TIMMDC1: variants seen among roughly 807,000 people sequenced by gnomAD.
The protein encoded by TIMMDC1 is complex I assembly factor TIMMDC1, mitochondrial.
A neutral mutation model predicts 32.6 loss-of-function variants in TIMMDC1; 25 were observed. The ratio of observed to expected loss-of-function variants is 0.77; its 90% confidence interval spans 0.56 to 1.07. The LOEUF (loss-of-function observed/expected upper bound fraction) is 1.07. Ranked by LOEUF, TIMMDC1 falls within the 50% of genes least tolerant of loss-of-function variation. The probability of loss-of-function intolerance (pLI) is 0.00; values close to 1 mark genes in which losing one functional copy is unlikely to be tolerated. For synonymous variants in TIMMDC1, 130 were observed against 127.6 expected, an observed-to-expected ratio of 1.02 and a Z score of -0.13; for missense variants, 329 against 349.2, an observed-to-expected ratio of 0.94 and a Z score of 0.46.
rs779052169 is a variant in TIMMDC1, at chr3:119,498,589, G to A, written c.-145G>A. The A allele has an allele frequency of 6.9e-6, 5 of 727,864 alleles. No individual in the cohort carries two copies. Among genetic ancestry groups the A allele is most frequent in the South Asian group, 3.5e-5 (2 of 57,952 alleles). The allele number at this position is 727,864 out of a possible 1,614,324, so 45.1% of individuals were successfully genotyped here. A position where few individuals can be genotyped will look rare whatever the true frequency, so the allele number is the denominator to read the frequency against. The stretch of plus-strand genomic sequence containing the variant: ...TCCAAAGCGAGGCCGGGGACTGAAG[G>A]TGTGGGTGTCGAGCCCTCTGGCAGA... On this transcript the variant is annotated 5_prime_UTR_variant, in exon 1 of 7. The change creates a new upstream start codon in the 5' untranslated region. Transcript: ENST00000494664.
intron 6 of TIMMDC1, among the ~76,000 whole-genome samples, chr3:119,519,451 G>C (rs2082008275): frequency 6.6e-6 from 1 of 151,884 alleles, no homozygotes; most frequent in East Asian, 1.9e-4. Context: ...AAATGAGCAG[G>C]AATAGCTATA....
intron 6 of TIMMDC1, among the ~76,000 whole-genome samples, chr3:119,520,753 T>C (rs2082020768): frequency 1.3e-5 from 2 of 152,126 alleles, no homozygotes; most frequent in Admixed American, 6.5e-5. Flanking sequence ...ATTACCCTTA[T>C]ACAACAACAA....
intron 4 of TIMMDC1, among the ~76,000 whole-genome samples, chr3:119,511,703 T>G (rs2081954204): frequency 6.6e-6 from 1 of 152,132 alleles, no homozygotes; most frequent in African/African-American, 2.4e-5. Flanking sequence ...AGGTAATGGA[T>G]AAAAGCCCTA....
chr3:119,521,651 C>T (rs973024271), intron 6 of TIMMDC1, among the ~76,000 whole-genome samples: 2 of 151,132 alleles, frequency 1.3e-5, no homozygotes, highest in Non-Finnish European at 2.9e-5. Flanking sequence ...CATGATTGTG[C>T]TACTGCACTC....
chr3:119,507,255 C>T (rs573327903), intron 4 of TIMMDC1, among the ~76,000 whole-genome samples: 14 of 152,160 alleles, frequency 9.2e-5, no homozygotes, highest in Non-Finnish European at 1.6e-4. Context: ...TGTTCTAGTA[C>T]ACTTATACCT....
chr3:119,505,769 T>G (rs545081212), intron 4 of TIMMDC1, among the ~76,000 whole-genome samples: 1 of 152,366 alleles, frequency 6.6e-6, no homozygotes, highest in South Asian at 2.1e-4. Context: ...ATACAGAGAC[T>G]TAGCCATTGT....
At chr3:119,501,470 CAGT>C (rs2081875117) in intron 2 of TIMMDC1, among the ~76,000 whole-genome samples, 2 of 152,218 alleles carry the variant, frequency 1.3e-5, no homozygotes, top group Admixed American at 1.3e-4. Flanking sequence ...AGCTACTTGA[CAGT>C]AGGTTATAGA....
In TIMMDC1 at chr3:119,517,255, C is replaced by T. The variant is rs754258232; in HGVS notation, c.647C>T (p.Thr216Ile). 1.2e-6 allele frequency: 2 copies of T among 1,613,874 alleles called. No individual in the cohort carries two copies. Among genetic ancestry groups the T allele is most frequent in the East Asian group, 2.2e-5 (1 of 44,864 alleles). Residue 216 changes from threonine (T) to isoleucine (I), a missense_variant, in exon 6 of 7, where the codon ACT becomes ATT. Coordinates refer to ENST00000494664, the MANE Select transcript of TIMMDC1 (RefSeq NM_016589.4). ...LMAFQKYSGE[T>I]VQERKQKDRK... is the part of the protein sequence containing the mutation. Reference sequence around the variant, plus strand: ...GCATTTCAGAAGTACTCTGGTGAGACTGTTCAGGAAAGAAAACAGAAGGAT... The same window carrying T: ...GCATTTCAGAAGTACTCTGGTGAGATTGTTCAGGAAAGAAAACAGAAGGAT...
chr3:119,504,300 G>A (rs551740985), intron 4 of TIMMDC1, among the ~76,000 whole-genome samples: 3 of 152,210 alleles, frequency 2.0e-5, no homozygotes, highest in Non-Finnish European at 4.4e-5. Flanking sequence ...GGAACAATGG[G>A]ATCTCATATG....
At chr3:119,513,392 A>G (rs2081966663) in intron 4 of TIMMDC1, among the ~76,000 whole-genome samples, 1 of 152,214 alleles carries the variant, frequency 6.6e-6, no homozygotes, top group Non-Finnish European at 1.5e-5. Context: ...ATGAAGCAGA[A>G]TGAATGGATC....
At chr3:119,516,808 G>A (rs892497369) in intron 5 of TIMMDC1, among the ~76,000 whole-genome samples, 8 of 152,124 alleles carry the variant, frequency 5.3e-5, no homozygotes, top group African/African-American at 1.9e-4. Context: ...GTCTCCTAGA[G>A]GAGCTGGTGC....
At chr3:119,514,861 T>C (rs1577100729) in intron 5 of TIMMDC1, among the ~76,000 whole-genome samples, 1 of 152,152 alleles carries the variant, frequency 6.6e-6, no homozygotes, top group African/African-American at 2.4e-5. Flanking sequence ...TGGGGAAGAA[T>C]CTGTTTCCAA....
chr3:119,501,361 G>T (rs79126049), intron 2 of TIMMDC1, among the ~76,000 whole-genome samples: 2,028 of 152,242 alleles, frequency 0.013, 41 homozygotes, highest in South Asian at 0.071. Flanking sequence ...CTAGTACAAA[G>T]ATTTCCTATA....
chr3:119,523,639 T>G lies in TIMMDC1; in HGVS notation c.741T>G (p.Pro247=), dbSNP rs750434673. ...KGRLQVTEHL[P]EKIESSLQED... is the part of the protein sequence containing the mutation. ...GACTACAAGTTACTGAGCACCTCCC[T>G]GAGAAAATTGAAAGTAGTTTACAGG... The change falls in exon 7 of 7, where the codon CCT becomes CCG. Residue 247 remains proline (P), a synonymous_variant. Coordinates refer to ENST00000494664, the MANE Select transcript of TIMMDC1 (RefSeq NM_016589.4). The G allele has an allele frequency of 1.2e-6, 2 of 1,612,180 alleles. No individual in the cohort carries two copies. The highest frequency in any genetic ancestry group is 1.3e-5 in the African/African-American group (1 of 74,846).
chr3:119,523,429 T>C (rs958359784), intron 6 of TIMMDC1, among the ~76,000 whole-genome samples, 177 bp from the exon 7 acceptor site: 1 of 152,168 alleles, frequency 6.6e-6, no homozygotes, highest in African/African-American at 2.4e-5. Context: ...ATAATTGGCT[T>C]GTGAGGTTAG....
Position 119,506,211 on chromosome 3 carries a change from C to G in TIMMDC1, c.517+2190C>G, listed in dbSNP as rs567938615. Among the ~76,000 whole-genome samples the G allele has an allele frequency of 1.1e-4, 17 of 152,314 alleles. No homozygotes were observed. The South Asian group carries it at 1.5e-3, about 13-fold the overall frequency. Reference sequence around the variant, plus strand: ...ACTTCCTTACTTGCTCCTGCTGTTACGTTCTCTGTCAATTGTTAAATGTGA... The same window carrying G: ...ACTTCCTTACTTGCTCCTGCTGTTAGGTTCTCTGTCAATTGTTAAATGTGA... On this transcript the variant is annotated intron_variant, in intron 4 of 6. Coordinates refer to ENST00000494664, the MANE Select transcript of TIMMDC1 (RefSeq NM_016589.4).
rs200939877 is a variant in TIMMDC1 at position 119,514,177 on chromosome 3, A to AT, written c.596+464dup. Among the ~76,000 whole-genome samples, 584 of 152,242 alleles carry AT rather than the reference A, an allele frequency of 3.8e-3. 12 individuals are homozygous for AT. In the East Asian group the frequency reaches 0.055, roughly 14 times the overall value. ...CATTTTTAAAAAATGTTCTTCCTCA[A>AT]TTTTTTACTTTGAACAATTTCAAAC... is the stretch of plus-strand genomic sequence containing the variant. On this transcript the variant is annotated intron_variant, in intron 5 of 6. Coordinates refer to ENST00000494664, the MANE Select transcript of TIMMDC1 (RefSeq NM_016589.4).
At chr3:119,511,343 C>T (rs2081950936) in intron 4 of TIMMDC1, among the ~76,000 whole-genome samples, 1 of 151,764 alleles carries the variant, frequency 6.6e-6, no homozygotes, top group Non-Finnish European at 1.5e-5. Context: ...GTTGTGGTGG[C>T]ATGCACCTGT....
Position 119,500,693 on chromosome 3 carries a change from A to G in TIMMDC1, c.195-2A>G, listed in dbSNP as rs780054086. The G allele has an allele frequency of 6.2e-7, 1 of 1,611,510 alleles. No individual in the cohort carries two copies. Among genetic ancestry groups the G allele is most frequent in the South Asian group, 1.1e-5 (1 of 90,548 alleles). ...AACAACATTGTCTTTTTGATGTTGT[A>G]GTGAACAGCAGAGAATTTCAAAGGA... is the stretch of plus-strand genomic sequence containing the variant. On this transcript the variant is annotated splice_acceptor_variant, in intron 1 of 6. Transcript: ENST00000494664. LOFTEE classifies it high-confidence loss of function.
Sources: gnomAD v4.1 joint callset for allele counts (sites outside exome capture counted in the v4.1 genomes callset) on GRCh38, gnomAD v4.1.1 for gene constraint, MANE v1.5 for transcripts, NCBI Gene and HGNC (gene_info 2026-07-23, HGNC 2026-07-21) for gene names.